TRPM3: variants seen among roughly 807,000 people sequenced by gnomAD.
TRPM3 encodes the protein long transient receptor potential channel 3.
TRPM3 carries 77 observed loss-of-function variants against 181.2 expected under a neutral mutation model. The observed-to-expected ratio is 0.42, with a 90% CI of 0.35 to 0.51. TRPM3 has a LOEUF of 0.51. TRPM3 is among the 20% of genes least tolerant of loss of function. TRPM3 has a pLI of 0.01. For missense variants in TRPM3, 1,759 were observed against 2,196.7 expected (o/e 0.80, Z 3.98); for synonymous variants, 745 against 796.4 (o/e 0.94, Z 1.09).
intron 1 of TRPM3, among the ~76,000 whole-genome samples, chr9:71,278,174 G>A (rs1378238838): frequency 6.6e-6 from 1 of 152,190 alleles, no homozygotes; most frequent in Non-Finnish European, 1.5e-5. Context: ...AATAACTGCG[G>A]ATCTACTATG....
chr9:70,980,067 G>GCGCACACACA (rs142852346), intron 1 of TRPM3, among the ~76,000 whole-genome samples: 7 of 137,888 alleles, frequency 5.1e-5, no homozygotes, highest in South Asian at 2.4e-4. Flanking sequence ...GCATGTGCGT[G>GCGCACACACA]CACACACACA....
intron 24 of TRPM3, among the ~76,000 whole-genome samples, chr9:70,551,932 G>T (rs2046558406): frequency 6.6e-6 from 1 of 152,216 alleles, no homozygotes; most frequent in African/African-American, 2.4e-5. Context: ...GTTGGGCATT[G>T]CAAGGTCAGG....
chr9:71,200,170 T>C (rs1448932572), intron 1 of TRPM3, among the ~76,000 whole-genome samples: 3 of 152,092 alleles, frequency 2.0e-5, no homozygotes, highest in Admixed American at 6.6e-5. Context: ...AGTTTCCATG[T>C]AGTTGAGTGG....
intron 6 of TRPM3, among the ~76,000 whole-genome samples, chr9:70,823,039 C>A (rs961109055): frequency 1.1e-4 from 17 of 152,258 alleles, no homozygotes; most frequent in African/African-American, 3.6e-4. Context: ...CTGCCGTGGC[C>A]TGCTCTTCAG....
chr9:70,803,551 C>T (rs1329610835), intron 6 of TRPM3, among the ~76,000 whole-genome samples: 9 of 148,178 alleles, frequency 6.1e-5, no homozygotes, highest in African/African-American at 2.2e-4. Context: ...CAGGTTCATG[C>T]TTTTCTCCTG....
intron 1 of TRPM3, among the ~76,000 whole-genome samples, chr9:71,235,253 C>T (rs11142747): frequency 0.15 from 22,734 of 152,242 alleles, 1,714 homozygotes; most frequent in South Asian, 0.21. Flanking sequence ...AGAGGCCTTC[C>T]TTGACCACAC....
chr9:71,439,410 A>G (rs923405355), intron 1 of TRPM3, among the ~76,000 whole-genome samples: 8 of 152,236 alleles, frequency 5.3e-5, no homozygotes, highest in African/African-American at 1.9e-4. Flanking sequence ...ATACACATCA[A>G]TACACTTAAT....
chr9:71,037,204 G>A (rs910807997), intron 1 of TRPM3, among the ~76,000 whole-genome samples: 1 of 152,128 alleles, frequency 6.6e-6, no homozygotes, highest in African/African-American at 2.4e-5. Context: ...TTCTTATTAT[G>A]ATTATTTTCA....
At chr9:71,046,323 A>C (rs2059437268) in intron 1 of TRPM3, among the ~76,000 whole-genome samples, 1 of 152,202 alleles carries the variant, frequency 6.6e-6, no homozygotes, top group Non-Finnish European at 1.5e-5. Context: ...CTTTTATCTC[A>C]GAGCATTCTG....
intron 1 of TRPM3, among the ~76,000 whole-genome samples, chr9:70,878,986 T>C (rs928231421): frequency 9.9e-5 from 15 of 152,150 alleles, no homozygotes; most frequent in Non-Finnish European, 1.9e-4. Context: ...ATAACAGTTT[T>C]ATAGCTATTG....
At chr9:70,770,588 C>T (rs1300163331) in intron 7 of TRPM3, among the ~76,000 whole-genome samples, 2 of 152,196 alleles carry the variant, frequency 1.3e-5, no homozygotes, top group Non-Finnish European at 2.9e-5. Flanking sequence ...AGTTAAGATG[C>T]TATGGTATGG....
chr9:70,793,550 T>C, intron 6 of TRPM3: 1 of 466,294 alleles, frequency 2.1e-6, no homozygotes, highest in Non-Finnish European at 4.4e-6. Context: ...CATATATACA[T>C]ACATATATAT....
chr9:71,072,872 C>G (rs1051466519), intron 1 of TRPM3, among the ~76,000 whole-genome samples: 32 of 152,110 alleles, frequency 2.1e-4, no homozygotes, highest in African/African-American at 7.2e-4. Flanking sequence ...AGCCTGTTAG[C>G]AATAATGTGA....
intron 1 of TRPM3, among the ~76,000 whole-genome samples, chr9:71,095,805 A>AAG (rs1029202216): frequency 6.6e-6 from 1 of 151,148 alleles, no homozygotes; most frequent in Admixed American, 6.6e-5. Context: ...AAAAGAGAGA[A>AAG]AGAGAGAGAG....
At chr9:71,288,125 C>T (rs1314861233) in intron 1 of TRPM3, among the ~76,000 whole-genome samples, 1 of 151,638 alleles carries the variant, frequency 6.6e-6, no homozygotes, top group African/African-American at 2.4e-5. Flanking sequence ...TTCTTAAAGT[C>T]AAGGTTTTCC....
chr9:70,984,792 G>A (rs1348080848), intron 1 of TRPM3, among the ~76,000 whole-genome samples: 1 of 152,120 alleles, frequency 6.6e-6, no homozygotes, highest in South Asian at 2.1e-4. Context: ...GACTCTTTTT[G>A]TGTTTTTGAC....
At chr9:71,233,730 A>G (rs1298022058) in intron 1 of TRPM3, among the ~76,000 whole-genome samples, 1 of 152,232 alleles carries the variant, frequency 6.6e-6, no homozygotes, top group African/African-American at 2.4e-5. Context: ...AAAGACTTCT[A>G]GAGCTTGCAA....
chr9:70,698,711 T>G (rs2071424202), intron 8 of TRPM3, among the ~76,000 whole-genome samples: 1 of 151,990 alleles, frequency 6.6e-6, no homozygotes, highest in Non-Finnish European at 1.5e-5. Flanking sequence ...GGGGCAGAGT[T>G]CTCATGAATG....
At chr9:71,215,047 CAAAAAAA>C (rs72383590) in intron 1 of TRPM3, among the ~76,000 whole-genome samples, 1 of 112,562 alleles carries the variant, frequency 8.9e-6, no homozygotes, top group African/African-American at 3.6e-5. Flanking sequence ...AAAAAAAAAA[CAAAAAAA>C]AAAAAAAACA....
Sources: gnomAD v4.1 joint callset for allele counts (sites outside exome capture counted in the v4.1 genomes callset) on GRCh38, gnomAD v4.1.1 for gene constraint, MANE v1.5 for transcripts, NCBI Gene and HGNC (gene_info 2026-07-23, HGNC 2026-07-21) for gene names.